Variants in TAOK1 observed in about 807,000 individuals in gnomAD.
The protein encoded by TAOK1 is TAO kinase 1.
A neutral mutation model predicts 138.3 loss-of-function variants in TAOK1; 21 were observed. The ratio of observed to expected loss-of-function variants is 0.15; its 90% CI spans 0.11 to 0.22. TAOK1 has a LOEUF of 0.22. Ranked by LOEUF, TAOK1 falls within the 10% of genes least tolerant of loss-of-function variation. The pLI is 1.00. For missense variants in TAOK1, 651 were observed against 1,227.7 expected (o/e 0.53, Z 7.02); for synonymous variants, 361 against 398.4 (o/e 0.91, Z 1.12).
intron 12 of TAOK1, among the ~76,000 whole-genome samples, chr17:29,501,120 C>T (rs991393456): frequency 3.3e-5 from 5 of 150,442 alleles, no homozygotes; most frequent in African/African-American, 1.2e-4. Flanking sequence ...CACTGTGGCT[C>T]ATTCCTATAA....
intron 13 of TAOK1, among the ~76,000 whole-genome samples, chr17:29,506,655 A>G (rs1168559558): frequency 1.5e-5 from 2 of 131,232 alleles, no homozygotes; most frequent in Admixed American, 1.5e-4. Context: ...GGTGATGGAT[A>G]TGTTAGATTG....
At chr17:29,501,910 G>T (rs2031537817) in intron 12 of TAOK1, among the ~76,000 whole-genome samples, 1 of 152,112 alleles carries the variant, frequency 6.6e-6, no homozygotes, top group Admixed American at 6.5e-5. Flanking sequence ...GGTAGTGCAT[G>T]CCTGTGGTCC....
chr17:29,495,448 G>T, intron 10 of TAOK1, 112 bp from the exon 11 acceptor site: 1 of 796,868 alleles, frequency 1.3e-6, no homozygotes, highest in Non-Finnish European at 1.9e-6. Context: ...GAATTATATA[G>T]CTATAGATTA....
intron 9 of TAOK1, 126 bp downstream of exon 9, chr17:29,489,883 T>C: frequency 1.9e-6 from 1 of 528,100 alleles, no homozygotes; most frequent in Non-Finnish European, 3.1e-6. Context: ...TTAAAATAGA[T>C]GTATTTTACC....
At chr17:29,535,742 G>A (rs568813313) in intron 19 of TAOK1, among the ~76,000 whole-genome samples, 1 of 151,958 alleles carries the variant, frequency 6.6e-6, no homozygotes, top group African/African-American at 2.4e-5. Flanking sequence ...TAGTCCCAGC[G>A]ACTAGGGAGG....
chr17:29,508,771 G>A (rs1167324793), intron 14 of TAOK1, among the ~76,000 whole-genome samples: 1 of 152,070 alleles, frequency 6.6e-6, no homozygotes, highest in East Asian at 1.9e-4. Context: ...GATTCAGATT[G>A]AGCTCATTTG....
intron 1 of TAOK1, among the ~76,000 whole-genome samples, chr17:29,425,323 T>A (rs1474286218): frequency 6.6e-6 from 1 of 152,194 alleles, no homozygotes; most frequent in Non-Finnish European, 1.5e-5. Context: ...TTCTCCTGCC[T>A]TGGCCTCCCA....
intron 16 of TAOK1, among the ~76,000 whole-genome samples, chr17:29,518,090 A>G (rs1180241666): frequency 6.6e-6 from 1 of 152,202 alleles, no homozygotes; most frequent in Non-Finnish European, 1.5e-5. Flanking sequence ...TCCTGGCCTC[A>G]TGCGGTCTGC....
intron 15 of TAOK1, chr17:29,514,953 C>G (rs1387671153): frequency 1.4e-5 from 2 of 140,762 alleles, no homozygotes; most frequent in African/African-American, 2.6e-5. Context: ...GAGCTGAATT[C>G]GTGCCAGTGC....
At chr17:29,476,664 G>T (rs2030948224) in intron 4 of TAOK1, among the ~76,000 whole-genome samples, 1 of 151,970 alleles carries the variant, frequency 6.6e-6, no homozygotes, top group African/African-American at 2.4e-5. Flanking sequence ...CCACCCCCAG[G>T]ATACCAAATC....
chr17:29,541,384 A>G (rs2150778792), intron 19 of TAOK1, among the ~76,000 whole-genome samples: 1 of 149,166 alleles, frequency 6.7e-6, no homozygotes, highest in Non-Finnish European at 1.5e-5. Context: ...TGCTGAGATT[A>G]TGGGCGTGAT....
At chr17:29,509,008 C>T (rs892853202) in intron 14 of TAOK1, among the ~76,000 whole-genome samples, 2 of 152,082 alleles carry the variant, frequency 1.3e-5, no homozygotes, top group African/African-American at 4.8e-5. Context: ...CTACCCTCTT[C>T]TCCCTTTTCA....
At chr17:29,531,157 C>T (rs955947180) in intron 18 of TAOK1, among the ~76,000 whole-genome samples, 4 of 149,660 alleles carry the variant, frequency 2.7e-5, no homozygotes, top group Admixed American at 1.3e-4. Flanking sequence ...TTAGTAGAGA[C>T]GGGGTTTTAC....
Position 29,397,607 on chromosome 17 carries a change from C to CCCAAAAA in TAOK1, c.-95+6583_-95+6584insCCAAAAA, listed in dbSNP as rs60665025. ...AACAGAGTGAGATTCCGTCCCCCCC[C>CCCAAAAA]AAAAAAATATATATATATATATACA... On this transcript the variant is annotated intron_variant, in intron 1 of 19. Transcript: ENST00000261716. Among the ~76,000 whole-genome samples the CCCAAAAA allele has an allele frequency of 5.1e-3, 482 of 94,612 alleles. 19 individuals are homozygous for CCCAAAAA. Among genetic ancestry groups the CCCAAAAA allele is most frequent in the African/African-American group, 0.024 (440 of 18,712 alleles). The allele number at this position is 94,612 out of a possible 152,430, so 62.1% of individuals were successfully genotyped here.
intron 8 of TAOK1, 143 bp downstream of exon 8, chr17:29,482,431 T>C (rs1221780275): frequency 7.5e-6 from 5 of 664,294 alleles, no homozygotes; most frequent in African/African-American, 5.5e-5. Context: ...GTTTTCACTT[T>C]GGTTATTTGG....
intron 19 of TAOK1, among the ~76,000 whole-genome samples, chr17:29,538,271 A>T (rs1465281630): frequency 6.6e-6 from 1 of 152,174 alleles, no homozygotes; most frequent in Non-Finnish European, 1.5e-5. Context: ...TAATGTTAGT[A>T]GTGGCTATGT....
At chr17:29,524,968 T>C (rs1227006418) in intron 17 of TAOK1, among the ~76,000 whole-genome samples, 1 of 152,178 alleles carries the variant, frequency 6.6e-6, no homozygotes, top group Admixed American at 6.5e-5. Context: ...GAGTCACACA[T>C]TGAGGGATAT....
At chr17:29,514,159 T>C (rs1330565088) in intron 15 of TAOK1, 1 of 152,110 alleles carries the variant, frequency 6.6e-6, no homozygotes, top group Non-Finnish European at 1.5e-5. Context: ...AGTCTACTTG[T>C]GTGCCCATGT....
At chr17:29,394,212 C>G (rs1904521775) in intron 1 of TAOK1, among the ~76,000 whole-genome samples, 2 of 117,786 alleles carry the variant, frequency 1.7e-5, no homozygotes, top group East Asian at 6.1e-4. Context: ...GTCGCCCAGG[C>G]TGGAGTGCAG....
Sources: gnomAD v4.1 joint callset for allele counts (sites outside exome capture counted in the v4.1 genomes callset) on GRCh38, gnomAD v4.1.1 for gene constraint, MANE v1.5 for transcripts, NCBI Gene and HGNC (gene_info 2026-07-23, HGNC 2026-07-21) for gene names.